Variants in ACAT1 observed in about 807,000 individuals in gnomAD.
ACAT1 encodes acetyl-CoA acetyltransferase 1, also known as acetyl-CoA acetyltransferase, mitochondrial.
ACAT1 carries 28 observed loss-of-function variants against 47.3 expected under a neutral mutation model. The observed-to-expected ratio is 0.59, with a 90% CI of 0.44 to 0.81. The LOEUF (loss-of-function observed/expected upper bound fraction) is 0.81. Ranked by LOEUF, ACAT1 falls within the 30% of genes least tolerant of loss-of-function variation. The pLI, the probability that ACAT1 is intolerant of heterozygous loss-of-function variation, is 0.00. For missense variants in ACAT1, 469 were observed against 524.3 expected (o/e 0.89, Z 1.03); for synonymous variants, 181 against 173.6 (o/e 1.04, Z -0.34).
At chr11:108,135,609 A>G (rs2077454241) in intron 5 of ACAT1, among the ~76,000 whole-genome samples, 1 of 151,904 alleles carries the variant, frequency 6.6e-6, no homozygotes, top group African/African-American at 2.4e-5. Flanking sequence ...CTATAATCCC[A>G]GCACTTTGGG....
At chr11:108,142,679 G>C (rs2134774177) in intron 9 of ACAT1, 129 bp downstream of exon 9, 1 of 741,630 alleles carries the variant, frequency 1.3e-6, no homozygotes, top group South Asian at 1.5e-5. Flanking sequence ...TCTACAAAAA[G>C]TTAAAAAATT....
chr11:108,131,111 T>G (rs2077348770), intron 1 of ACAT1, among the ~76,000 whole-genome samples: 1 of 152,150 alleles, frequency 6.6e-6, no homozygotes, highest in Non-Finnish European at 1.5e-5. Flanking sequence ...AGGGGCAAGA[T>G]GTTTACTCTT....
intron 5 of ACAT1, among the ~76,000 whole-genome samples, chr11:108,138,388 C>G (rs2077509995): frequency 6.6e-6 from 1 of 151,510 alleles, no homozygotes; most frequent in Non-Finnish European, 1.5e-5. Flanking sequence ...TCACTGCAAT[C>G]TCCGCCTCTA....
intron 7 of ACAT1, among the ~76,000 whole-genome samples, chr11:108,140,996 T>G (rs1591369509): frequency 6.6e-6 from 1 of 151,702 alleles, no homozygotes; most frequent in Non-Finnish European, 1.5e-5. Flanking sequence ...GAGGCCGAGG[T>G]GGGAGGATTG....
chr11:108,147,311 T>C lies in ACAT1; in HGVS notation c.1205T>C (p.Leu402Ser). ...ARIVGHLTHALKQGEYGLASI... is the reference protein window; with the variant it reads ...ARIVGHLTHASKQGEYGLASI... ...ATTGTTGGTCATTTGACTCATGCCTTGAAGCAAGGAGAATACGGTCTTGCC... is the reference window on the plus strand; with the variant it reads ...ATTGTTGGTCATTTGACTCATGCCTCGAAGCAAGGAGAATACGGTCTTGCC... The change falls in exon 12 of 12, where the codon TTG (leucine) becomes TCG (serine). Residue 402 changes from leucine (L) to serine (S), a missense_variant. Transcript: ENST00000265838. 4 of 1,613,936 alleles carry C rather than the reference T, an allele frequency of 2.5e-6. No homozygotes were observed. Among genetic ancestry groups the C allele is most frequent in the Non-Finnish European group, 3.4e-6 (4 of 1,179,916 alleles).
At chr11:108,135,993 C>G (rs2077460745) in intron 5 of ACAT1, 2 of 513,510 alleles carry the variant, frequency 3.9e-6, no homozygotes, top group Non-Finnish European at 6.9e-6. Context: ...GGCTTGATGA[C>G]TAATTTGTAG....
chr11:108,133,790 T>C (rs1591361889), intron 2 of ACAT1, 30 bp from the exon 3 acceptor site: 1 of 1,551,188 alleles, frequency 6.4e-7, no homozygotes, highest in East Asian at 2.2e-5. Context: ...GTAAAATACC[T>C]ATAATTTTTA....
upstream of ACAT1, among the ~76,000 whole-genome samples, chr11:108,116,954 C>CT (rs1864962524): frequency 6.6e-6 from 1 of 152,102 alleles, no homozygotes; most frequent in Non-Finnish European, 1.5e-5. Context: ...TGGTAATTTG[C>CT]TGCTGCAATC....
At chr11:108,147,149 G>C in intron 11 of ACAT1, 121 bp from the exon 12 acceptor site, 1 of 1,184,664 alleles carries the variant, frequency 8.4e-7, no homozygotes, top group Non-Finnish European at 1.2e-6. Flanking sequence ...AATAGTAGTA[G>C]TTAATTCAGC....
At chr11:108,146,056 AT>A (rs1272850258) in intron 10 of ACAT1, 145 bp from the exon 11 acceptor site, 6 of 752,658 alleles carry the variant, frequency 8.0e-6, no homozygotes, top group Admixed American at 2.7e-5. Context: ...AAAAAAAAAA[AT>A]CTGAAAATAG....
At chr11:108,142,601 T>G (rs2077612912) in intron 9 of ACAT1, 51 bp downstream of exon 9, 3 of 1,442,280 alleles carry the variant, frequency 2.1e-6, no homozygotes, top group Non-Finnish European at 2.9e-6. Context: ...CTTTCGGAGG[T>G]TGAGGTGGGA....
At chr11:108,146,670 AT>A (rs1167149303) in intron 11 of ACAT1, among the ~76,000 whole-genome samples, 1 of 152,166 alleles carries the variant, frequency 6.6e-6, no homozygotes, top group Non-Finnish European at 1.5e-5. Flanking sequence ...GGATGAATTT[AT>A]AGTGGTGGGG....
intron 1 of ACAT1, 21 bp from the exon 2 acceptor site, chr11:108,131,884 CAT>C (rs1565287201): frequency 2.6e-6 from 3 of 1,138,366 alleles, no homozygotes; most frequent in South Asian, 1.6e-5. Flanking sequence ...TACATTATAA[CAT>C]TATAAATATT....
Position 108,131,895 on chromosome 11 carries a change from T to C in ACAT1, c.73-12T>C. 1 of 1,242,068 alleles carries C rather than the reference T, an allele frequency of 8.1e-7. No homozygotes were observed. The highest frequency in any genetic ancestry group is 1.1e-6 in the Non-Finnish European group (1 of 873,852). 76.9% of individuals were successfully genotyped at this position (1,242,068 alleles called of 1,614,324 possible). On this transcript the variant is annotated splice_polypyrimidine_tract_variant and intron_variant, in intron 1 of 11. Coordinates refer to ENST00000265838, the MANE Select transcript of ACAT1 (RefSeq NM_000019.4). ...TTTTTACATTATAACATTATAAATA[T>C]TTATATTACAGGAAATAAGATATGT... is the stretch of plus-strand genomic sequence containing the variant.
chr11:108,131,627 C>T (rs953424089), intron 1 of ACAT1, among the ~76,000 whole-genome samples: 4 of 151,908 alleles, frequency 2.6e-5, no homozygotes, highest in Admixed American at 1.3e-4. Flanking sequence ...GCTAGGATTA[C>T]AGGCATGAGC....
chr11:108,141,431 T>C (rs910028884), intron 7 of ACAT1, among the ~76,000 whole-genome samples, 174 bp from the exon 8 acceptor site: 7 of 150,266 alleles, frequency 4.7e-5, no homozygotes, highest in African/African-American at 1.7e-4. Flanking sequence ...CTTTTTAAGA[T>C]GGTAACATAA....
At chr11:108,122,931 A>G (rs945055236) in intron 1 of ACAT1, among the ~76,000 whole-genome samples, 2 of 152,176 alleles carry the variant, frequency 1.3e-5, no homozygotes, top group African/African-American at 4.8e-5. Flanking sequence ...TTTAATTAAG[A>G]TCTTACAATC....
In ACAT1 at chr11:108,124,575, G is replaced by C. The variant is rs142002551; in HGVS notation, c.72+2897G>C. Among the ~76,000 whole-genome samples, 303 of 152,182 alleles carry C rather than the reference G, an allele frequency of 2.0e-3. 1 individual carries two copies. Among genetic ancestry groups the C allele is most frequent in the Non-Finnish European group, 3.6e-3 (242 of 67,994 alleles). ...TTACAGGTGTGAGCCACCACACCTG[G>C]CCCCCTTCCCTTTTTCTAATCTTAC... On this transcript the variant is annotated intron_variant, in intron 1 of 11. Coordinates refer to ENST00000265838, the MANE Select transcript of ACAT1 (RefSeq NM_000019.4).
At chr11:108,128,460 G>T (rs369028124) in intron 1 of ACAT1, among the ~76,000 whole-genome samples, 1 of 152,106 alleles carries the variant, frequency 6.6e-6, no homozygotes, top group East Asian at 1.9e-4. Context: ...GCGTGGTGGC[G>T]CATGCCTGTA....
Sources: gnomAD v4.1 joint callset for allele counts (sites outside exome capture counted in the v4.1 genomes callset) on GRCh38, gnomAD v4.1.1 for gene constraint, MANE v1.5 for transcripts, NCBI Gene and HGNC (gene_info 2026-07-23, HGNC 2026-07-21) for gene names.